The following PPFIA2 variants were observed in gnomAD, a reference collection of about 807,000 sequenced individuals.
PPFIA2 encodes the protein PPFI scaffold protein A2.
PPFIA2 carries 46 observed loss-of-function variants against 175.5 expected under a neutral mutation model. The observed-to-expected ratio is 0.26, with a 90% CI of 0.21 to 0.34. The LOEUF is 0.34. Among genes scored for constraint, PPFIA2 ranks in the 10% least tolerant of loss-of-function variants. The pLI, the probability that PPFIA2 is intolerant of heterozygous loss-of-function variation, is 1.00. For missense variants in PPFIA2, 1,179 were observed against 1,506.1 expected, an observed-to-expected ratio of 0.78 and a Z score of 3.60; for synonymous variants, 568 against 511.4, an observed-to-expected ratio of 1.11 and a Z score of -1.49.
chr12:81,674,630 TC>T (rs887649715), intron 4 of PPFIA2, among the ~76,000 whole-genome samples: 88 of 152,132 alleles, frequency 5.8e-4, no homozygotes, highest in African/African-American at 1.9e-3. Context: ...GCTACTGCAC[TC>T]CCATCTGGGT....
chr12:81,424,218 C>T (rs1056090253), intron 7 of PPFIA2, among the ~76,000 whole-genome samples: 1 of 151,966 alleles, frequency 6.6e-6, no homozygotes, highest in Non-Finnish European at 1.5e-5. Flanking sequence ...TTGAATTACA[C>T]CTATAAAATA....
chr12:81,309,026 T>C (rs1343097358), intron 22 of PPFIA2, among the ~76,000 whole-genome samples: 1 of 152,166 alleles, frequency 6.6e-6, no homozygotes, highest in Non-Finnish European at 1.5e-5. Context: ...ATAAGTCAAA[T>C]AATGTGACAA....
chr12:81,412,720 T>C (rs2044214613), intron 7 of PPFIA2, among the ~76,000 whole-genome samples: 1 of 151,984 alleles, frequency 6.6e-6, no homozygotes, highest in Non-Finnish European at 1.5e-5. Flanking sequence ...GTTCAGGTTC[T>C]TGTTATATCA....
chr12:81,695,236 G>A (rs1050225923), intron 3 of PPFIA2, among the ~76,000 whole-genome samples: 1 of 152,122 alleles, frequency 6.6e-6, no homozygotes, highest in African/African-American at 2.4e-5. Flanking sequence ...GCAGTAAAAT[G>A]ATATAGTTTG....
chr12:81,335,744 A>AAACAACAAC (rs142716386), intron 21 of PPFIA2, among the ~76,000 whole-genome samples: 191 of 149,506 alleles, frequency 1.3e-3, no homozygotes, highest in African/African-American at 2.3e-3. Context: ...TTCTGTCTAA[A>AAACAACAAC]AACAACAACA....
chr12:81,283,322 ATGAG>A (rs2042510399), intron 25 of PPFIA2, among the ~76,000 whole-genome samples: 1 of 152,006 alleles, frequency 6.6e-6, no homozygotes, highest in African/African-American at 2.4e-5. Context: ...TAATTCTTAA[ATGAG>A]TGTAATTTTT....
chr12:81,642,885 G>C (rs1244750688), intron 4 of PPFIA2, among the ~76,000 whole-genome samples: 1 of 140,840 alleles, frequency 7.1e-6, no homozygotes, highest in Non-Finnish European at 1.5e-5. Context: ...AGAATGAAAT[G>C]AACATATTTA....
chr12:81,274,981 G>T (rs1355873494), intron 28 of PPFIA2, among the ~76,000 whole-genome samples: 1 of 152,026 alleles, frequency 6.6e-6, no homozygotes, highest in African/African-American at 2.4e-5. Flanking sequence ...CTCTCCTTTA[G>T]ATCTATCTAT....
At chr12:81,656,452 C>G (rs1001530707) in intron 4 of PPFIA2, among the ~76,000 whole-genome samples, 6 of 151,946 alleles carry the variant, frequency 3.9e-5, no homozygotes, top group Non-Finnish European at 7.4e-5. Context: ...CCAGACTTCG[C>G]CATGCACAAT....
intron 22 of PPFIA2, 104 bp from the exon 23 acceptor site, chr12:81,299,486 T>G (rs1219900519): frequency 1.3e-5 from 19 of 1,410,186 alleles, no homozygotes; most frequent in Non-Finnish European, 1.7e-5. Flanking sequence ...TTTACAAGAT[T>G]TTTTATGATA....
chr12:81,381,494 T>C (rs1410432505), intron 9 of PPFIA2, among the ~76,000 whole-genome samples: 1 of 151,962 alleles, frequency 6.6e-6, no homozygotes, highest in East Asian at 1.9e-4. Flanking sequence ...GAGCAATGAG[T>C]ACTAAGATGA....
chr12:81,304,392 C>G lies in PPFIA2; in HGVS notation c.2643-5010G>C, dbSNP rs79077127. Among the ~76,000 whole-genome samples, 12 of 152,272 alleles carry G rather than the reference C, an allele frequency of 7.9e-5. No individual in the cohort carries two copies. The East Asian group carries it at 2.1e-3, about 27-fold the overall frequency. On this transcript the variant is annotated intron_variant, in intron 22 of 32. Transcript: ENST00000549396. Reference sequence around the variant, plus strand: ...CCAACTGAATCTCTGACCTCAAAGACCATACATTCCAGTGAGGAAGGAAGA... The same window carrying G: ...CCAACTGAATCTCTGACCTCAAAGAGCATACATTCCAGTGAGGAAGGAAGA...
At chr12:81,314,052 T>C (rs1283022639) in intron 22 of PPFIA2, among the ~76,000 whole-genome samples, 1 of 151,974 alleles carries the variant, frequency 6.6e-6, no homozygotes, top group African/African-American at 2.4e-5. Context: ...TCATAGTTTT[T>C]ATGAGCTTTC....
Position 81,367,113 on chromosome 12 carries a change from C to A in PPFIA2, c.1540G>T (p.Asp514Tyr). 6.9e-7 allele frequency: 1 copy of A among 1,454,148 alleles called. No homozygotes were observed. Among genetic ancestry groups the A allele is most frequent in the Non-Finnish European group, 9.1e-7 (1 of 1,096,576 alleles). 90.1% of individuals were successfully genotyped at this position (1,454,148 alleles called of 1,614,324 possible). The change falls in exon 14 of 33, where the codon GAT becomes TAT. Residue 514 changes from aspartate to tyrosine, a missense_variant. Transcript: ENST00000549396. Reference protein sequence around the residue: ...FRKNLEESLHDKERLAEEIEK... With the variant: ...FRKNLEESLHYKERLAEEIEK... The stretch of plus-strand genomic sequence containing the variant: ...AACATAAGTTTCCATTATACCTTAT[C>A]ATGTAAAGATTCTTCAAGATTCTTT...
intron 23 of PPFIA2, among the ~76,000 whole-genome samples, chr12:81,298,984 A>G (rs1270109124): frequency 6.6e-6 from 1 of 152,142 alleles, no homozygotes; most frequent in Non-Finnish European, 1.5e-5. Context: ...GCTAATGAGG[A>G]AGGGCCCTGG....
At chr12:81,297,465 T>C (rs1417769756) in intron 23 of PPFIA2, among the ~76,000 whole-genome samples, 1 of 152,052 alleles carries the variant, frequency 6.6e-6, no homozygotes, top group Non-Finnish European at 1.5e-5. Context: ...GTGATAGAGA[T>C]AAGAGAAAAG....
At chr12:81,533,971 A>C (rs1470813386) in intron 4 of PPFIA2, among the ~76,000 whole-genome samples, 1 of 151,666 alleles carries the variant, frequency 6.6e-6, no homozygotes, top group Admixed American at 6.6e-5. Context: ...TATACACAAT[A>C]GAATACAATT....
intron 4 of PPFIA2, among the ~76,000 whole-genome samples, chr12:81,529,753 C>G (rs189022096): frequency 6.6e-6 from 1 of 151,968 alleles, no homozygotes; most frequent in East Asian, 1.9e-4. Context: ...GGTCCAGGTG[C>G]TAAATATGTT....
intron 4 of PPFIA2, among the ~76,000 whole-genome samples, chr12:81,463,489 T>A (rs1432504878): frequency 6.6e-6 from 1 of 152,150 alleles, no homozygotes; most frequent in Non-Finnish European, 1.5e-5. Flanking sequence ...GCAAAGTGAC[T>A]TTCCCCACTC....
Sources: gnomAD v4.1 joint callset for allele counts (sites outside exome capture counted in the v4.1 genomes callset) on GRCh38, gnomAD v4.1.1 for gene constraint, MANE v1.5 for transcripts, NCBI Gene and HGNC (gene_info 2026-07-23, HGNC 2026-07-21) for gene names.